The following RPAP3 variants were observed in gnomAD, a reference collection of about 807,000 sequenced individuals.
RPAP3 encodes the protein RNA polymerase II-associated protein 3.
In RPAP3, 58 loss-of-function variants were observed where a neutral mutation model predicts 88.8. That is an observed-to-expected ratio of 0.65 (90% CI 0.53 to 0.81). The LOEUF is 0.81. Ranked by LOEUF, RPAP3 falls within the 40% of genes least tolerant of loss-of-function variation. The pLI, the probability that RPAP3 is intolerant of heterozygous loss-of-function variation, is 0.00. For missense variants in RPAP3, 751 were observed against 764.3 expected, an observed-to-expected ratio of 0.98 and a Z score of 0.20; for synonymous variants, 255 against 259.9, an observed-to-expected ratio of 0.98 and a Z score of 0.18.
At chr12:47,703,196 T>G (rs1207980724) in intron 1 of RPAP3, among the ~76,000 whole-genome samples, 4 of 152,220 alleles carry the variant, frequency 2.6e-5, no homozygotes, top group Admixed American at 6.5e-5. Flanking sequence ...TTCCAACATT[T>G]AACTTCTACT....
intron 16 of RPAP3, among the ~76,000 whole-genome samples, chr12:47,664,345 G>A (rs996975451): frequency 6.6e-6 from 1 of 152,090 alleles, no homozygotes; most frequent in East Asian, 1.9e-4. Context: ...AGCTGAGATC[G>A]AGCCACTGCA....
chr12:47,702,030 CT>C (rs1196496223), intron 2 of RPAP3, among the ~76,000 whole-genome samples: 3 of 152,180 alleles, frequency 2.0e-5, no homozygotes, highest in African/African-American at 7.2e-5. Context: ...TAGGTACTAT[CT>C]GCATTTTTAT....
At chr12:47,676,659 A>C (rs1939122514) in intron 12 of RPAP3, among the ~76,000 whole-genome samples, 1 of 152,198 alleles carries the variant, frequency 6.6e-6, no homozygotes, top group Non-Finnish European at 1.5e-5. Context: ...GGAATGGATA[A>C]ATTCCTGGAC....
In RPAP3 at chr12:47,690,637, A is replaced by C. The variant is rs1412596307; in HGVS notation, c.548T>G (p.Phe183Cys). 6.8e-7 allele frequency: 1 copy of C among 1,469,892 alleles called. No individual in the cohort carries two copies. Among genetic ancestry groups the C allele is most frequent in the Non-Finnish European group, 9.1e-7 (1 of 1,098,960 alleles). 91.1% of individuals were successfully genotyped at this position (1,469,892 alleles called of 1,614,324 possible). A position where few individuals can be genotyped will look rare whatever the true frequency, so the allele number is the denominator to read the frequency against. Residue 183 changes from phenylalanine to cysteine, a missense_variant and splice_region_variant, in exon 6 of 17, where the codon TTT becomes TGT. Coordinates refer to ENST00000005386, the MANE Select transcript of RPAP3 (RefSeq NM_024604.3). ...ATTACAATCAGACTCAGCAACAGCAAATCTGCAATTTAAAAACATTAAAAT... is the reference window on the plus strand; with the variant it reads ...ATTACAATCAGACTCAGCAACAGCACATCTGCAATTTAAAAACATTAAAAT... ...RASAYFRLKK[F>C]AVAESDCNLA...
At chr12:47,703,585 C>T (rs1264045267) in intron 1 of RPAP3, among the ~76,000 whole-genome samples, 1 of 152,100 alleles carries the variant, frequency 6.6e-6, no homozygotes, top group Non-Finnish European at 1.5e-5. Flanking sequence ...AGGCATGGAT[C>T]AGATAGTAGG....
chr12:47,686,782 C>T lies in RPAP3; in HGVS notation c.990G>A (p.Gln330=), dbSNP rs775834660. Residue 330 remains glutamine, a splice_region_variant and synonymous_variant, in exon 9 of 17, where the codon CAG becomes CAA. Transcript: ENST00000005386. ...ANRAMAYLKI[Q]KYEEAEKDCT... ...ACTAAAATGTAACCAATACTTACTT[C>T]TGAATCTTCAGATAGGCCATAGCTC... 6.4e-7 allele frequency: 1 copy of T among 1,564,742 alleles called. No individual in the cohort carries two copies. The highest frequency in any genetic ancestry group is 2.0e-5 in the Admixed American group (1 of 49,220).
At chr12:47,667,157 A>G (rs571793286) in intron 15 of RPAP3, 77 bp from the exon 16 acceptor site, 2 of 547,978 alleles carry the variant, frequency 3.6e-6, no homozygotes, top group Non-Finnish European at 5.9e-6. Flanking sequence ...TACTAACACA[A>G]TACTTCTAAT....
intron 13 of RPAP3, 89 bp downstream of exon 13, chr12:47,670,018 G>A: frequency 3.6e-6 from 3 of 825,308 alleles, no homozygotes; most frequent in Non-Finnish European, 6.0e-6. Flanking sequence ...TTAGCATGAT[G>A]AGTACAAATC....
At chr12:47,691,060 T>C (rs956558979) in intron 5 of RPAP3, among the ~76,000 whole-genome samples, 16 of 152,236 alleles carry the variant, frequency 1.1e-4, no homozygotes, top group Non-Finnish European at 7.3e-5. Flanking sequence ...TGGACGATCT[T>C]GCCTTGATGT....
chr12:47,675,712 G>A (rs1377503897), intron 12 of RPAP3, among the ~76,000 whole-genome samples: 5 of 152,260 alleles, frequency 3.3e-5, no homozygotes, highest in African/African-American at 1.2e-4. Context: ...AAATATATAT[G>A]CACCCAATAC....
chr12:47,680,178 T>C (rs574770746), intron 10 of RPAP3, among the ~76,000 whole-genome samples: 1 of 152,300 alleles, frequency 6.6e-6, no homozygotes, highest in South Asian at 2.1e-4. Flanking sequence ...ATGGACATTA[T>C]GCTAAGTTAA....
rs1939564500 is a variant in RPAP3, at chr12:47,697,775, A to G, written c.295-56T>C. 7.0e-6 allele frequency: 10 copies of G among 1,436,830 alleles called. No individual in the cohort carries two copies. In the South Asian group the frequency reaches 7.8e-5, roughly 11 times the overall value. 89.0% of individuals were successfully genotyped at this position (1,436,830 alleles called of 1,614,324 possible). A position where few individuals can be genotyped will look rare whatever the true frequency, so the allele number is the denominator to read the frequency against. Reference sequence around the variant, plus strand: ...TAATTATATGATTAGGAAAAAAAAGAAAAAAAGACATACTAAAAAAATACA... The same window carrying G: ...TAATTATATGATTAGGAAAAAAAAGGAAAAAAGACATACTAAAAAAATACA... On this transcript the variant is annotated intron_variant, in intron 3 of 16. Coordinates refer to ENST00000005386, the MANE Select transcript of RPAP3 (RefSeq NM_024604.3).
chr12:47,670,045 T>A, intron 13 of RPAP3, 62 bp downstream of exon 13: 2 of 1,060,384 alleles, frequency 1.9e-6, no homozygotes, highest in Non-Finnish European at 2.9e-6. Context: ...CTCAGTAATA[T>A]CAATTCTCCA....
intron 3 of RPAP3, among the ~76,000 whole-genome samples, chr12:47,700,790 T>C (rs73104155): frequency 0.06 from 9,173 of 152,312 alleles, 351 homozygotes; most frequent in Middle Eastern, 0.12. Context: ...GATAGGCCTA[T>C]GTTTATCGTC....
At chr12:47,686,683 A>G in intron 9 of RPAP3, 97 bp downstream of exon 9, 2 of 921,550 alleles carry the variant, frequency 2.2e-6, no homozygotes, top group East Asian at 5.4e-5. Flanking sequence ...CTAACCTAAC[A>G]CGCCATAATT....
At chr12:47,680,127 T>C (rs1939195534) in intron 10 of RPAP3, among the ~76,000 whole-genome samples, 1 of 152,190 alleles carries the variant, frequency 6.6e-6, no homozygotes, top group Non-Finnish European at 1.5e-5. Context: ...AAAGTATTAC[T>C]CAGCCTTAAA....
intron 16 of RPAP3, chr12:47,664,522 C>T (rs796392992): frequency 1.2e-4 from 18 of 152,308 alleles, no homozygotes; most frequent in African/African-American, 4.3e-4. Context: ...AACTGGAGAA[C>T]TAGCTAACAG....
intron 9 of RPAP3, among the ~76,000 whole-genome samples, chr12:47,683,546 A>G (rs1939267501): frequency 6.6e-6 from 1 of 152,214 alleles, no homozygotes; most frequent in Admixed American, 6.5e-5. Flanking sequence ...AAAACCCAAC[A>G]ATTTTTCTAA....
chr12:47,667,936 T>G, intron 14 of RPAP3, 85 bp from the exon 15 acceptor site: 4 of 903,084 alleles, frequency 4.4e-6, no homozygotes, highest in Non-Finnish European at 6.8e-6. Context: ...GTAAAAATAG[T>G]AAAGAATAAC....
Sources: allele counts gnomAD v4.1 joint callset (sites outside exome capture counted in the v4.1 genomes callset), GRCh38; gene constraint gnomAD v4.1.1; transcripts MANE v1.5; gene names NCBI Gene and HGNC (gene_info 2026-07-23, HGNC 2026-07-21).